The following MED12L variants were observed in gnomAD, a reference collection of about 807,000 sequenced individuals.
MED12L encodes the protein mediator of RNA polymerase II transcription subunit 12-like protein.
Under a neutral mutation model 281.3 loss-of-function variants are expected in MED12L, and 60 were observed. The observed-to-expected ratio is 0.21, with a 90% CI of 0.17 to 0.26. The LOEUF (loss-of-function observed/expected upper bound fraction) is 0.26, where lower values mean the gene tolerates loss of function less well. Among genes scored for constraint, MED12L ranks in the 10% least tolerant of loss-of-function variants. The pLI is 1.00. For missense variants in MED12L, 2,146 were observed against 2,680.9 expected, an observed-to-expected ratio of 0.80 and a Z score of 4.41; for synonymous variants, 974 against 987.2, an observed-to-expected ratio of 0.99 and a Z score of 0.25.
intron 16 of MED12L, among the ~76,000 whole-genome samples, chr3:151,313,744 T>G (rs1747856585): frequency 6.6e-6 from 1 of 152,084 alleles, no homozygotes; most frequent in South Asian, 2.1e-4. Flanking sequence ...CTTAGGAGTC[T>G]GAGGCAGGAG....
At chr3:151,393,085 A>T (rs1361835238) in intron 38 of MED12L, among the ~76,000 whole-genome samples, 1 of 152,166 alleles carries the variant, frequency 6.6e-6, no homozygotes, top group Non-Finnish European at 1.5e-5. Context: ...ATGACTTTGT[A>T]AATAGAAGAA....
chr3:151,309,727 A>G (rs1352632406), intron 16 of MED12L, among the ~76,000 whole-genome samples: 1 of 152,124 alleles, frequency 6.6e-6, no homozygotes, highest in Non-Finnish European at 1.5e-5. Context: ...TTGCCTGACT[A>G]CCAGAGTGTC....
At chr3:151,175,743 G>T (rs1259905269) in intron 11 of MED12L, among the ~76,000 whole-genome samples, 1 of 152,152 alleles carries the variant, frequency 6.6e-6, no homozygotes, top group East Asian at 1.9e-4. Context: ...TTTCAGATTT[G>T]TGCCTGCTCT....
intron 5 of MED12L, among the ~76,000 whole-genome samples, chr3:151,136,113 A>G (rs1235034609): frequency 3.3e-5 from 5 of 152,314 alleles, no homozygotes; most frequent in Admixed American, 6.5e-5. Context: ...TTGGTTGACT[A>G]TACTCTTGTA....
At chr3:151,251,438 C>A (rs1336299528) in intron 16 of MED12L, among the ~76,000 whole-genome samples, 1 of 152,068 alleles carries the variant, frequency 6.6e-6, no homozygotes, top group Non-Finnish European at 1.5e-5. Context: ...AACCTCAGGT[C>A]ATTTTTTGTC....
chr3:151,420,744 G>A, intron 43 of MED12L, among the ~76,000 whole-genome samples: 1 of 152,190 alleles, frequency 6.6e-6, no homozygotes, highest in East Asian at 1.9e-4. Context: ...ATGAGCATGA[G>A]CCCACCGCTG....
chr3:151,295,107 C>A, intron 16 of MED12L: 1 of 1,613,298 alleles, frequency 6.2e-7, no homozygotes, highest in South Asian at 1.1e-5. Flanking sequence ...AGATAAAGCA[C>A]CGGCAAGACA....
chr3:151,176,665 G>C (rs1722091404), intron 11 of MED12L, among the ~76,000 whole-genome samples: 1 of 151,940 alleles, frequency 6.6e-6, no homozygotes, highest in African/African-American at 2.4e-5. Context: ...TATGCAAACT[G>C]TAGTGACACA....
At chr3:151,375,297 C>T (rs1756691701) in intron 27 of MED12L, among the ~76,000 whole-genome samples, 1 of 152,204 alleles carries the variant, frequency 6.6e-6, no homozygotes, top group African/African-American at 2.4e-5. Context: ...AAACAGACTT[C>T]ACCCGAAATA....
chr3:151,426,262 G>A (rs1002038721), intron 43 of MED12L, among the ~76,000 whole-genome samples: 1 of 152,194 alleles, frequency 6.6e-6, no homozygotes, highest in Non-Finnish European at 1.5e-5. Flanking sequence ...GTCTAGAGAG[G>A]AGTCCCGGGA....
chr3:151,090,083 C>G (rs984896670), intron 2 of MED12L, among the ~76,000 whole-genome samples: 14 of 152,248 alleles, frequency 9.2e-5, no homozygotes, highest in African/African-American at 2.9e-4. Context: ...CTAGCCACCC[C>G]CTCCCACTTA....
chr3:151,214,442 A>C (rs751238761), intron 16 of MED12L: 11 of 745,308 alleles, frequency 1.5e-5, no homozygotes, highest in Non-Finnish European at 2.4e-5. Flanking sequence ...AAACCTACCA[A>C]ATTTTTGAAG....
Position 151,159,972 on chromosome 3 carries a change from C to T in MED12L, c.978C>T (p.Asn326=). The part of the protein sequence containing the change: ...HSPHMMIGPN[N]SSIGAPSPGP... Reference sequence around the variant, plus strand: ...CCCACATGATGATAGGACCAAACAACTCGAGTATCGGGGCCCCCAGCCCTG... The same window carrying T: ...CCCACATGATGATAGGACCAAACAATTCGAGTATCGGGGCCCCCAGCCCTG... Residue 326 remains asparagine, a synonymous_variant, in exon 8 of 45, where the codon AAC becomes AAT. Coordinates refer to ENST00000687756, the MANE Select transcript of MED12L (RefSeq NM_001393769.1). The T allele has an allele frequency of 6.2e-7, 1 of 1,614,242 alleles. No homozygotes were observed. The highest frequency in any genetic ancestry group is 8.5e-7 in the Non-Finnish European group (1 of 1,180,048).
chr3:151,198,569 A>G, intron 16 of MED12L: 1 of 1,614,070 alleles, frequency 6.2e-7, no homozygotes, highest in Non-Finnish European at 8.5e-7. Flanking sequence ...CGACACAGCC[A>G]GGAGCAGTGT....
rs764777471 is a variant in MED12L, at chr3:151,214,191, C to T, written c.2250+20525C>T. ...GCACGTAAAAGAATATCCATCCTGA[C>T]ACTCCATTGAGTAGGATTCCTGCAA... On this transcript the variant is annotated intron_variant, in intron 16 of 44. Transcript: ENST00000687756. The T allele has an allele frequency of 8.7e-6, 14 of 1,613,976 alleles. No homozygotes were observed. In the South Asian group the frequency reaches 1.5e-4, roughly 18 times the overall value.
In MED12L at chr3:151,409,584, T is replaced by G. The variant is rs1716729792; in HGVS notation, c.5910+252T>G. Among the ~76,000 whole-genome samples the G allele has an allele frequency of 2.0e-5, 3 of 152,214 alleles. No individual in the cohort carries two copies. The South Asian group carries it at 6.2e-4, about 31-fold the overall frequency. ...AATTCAAACCTTTTATTAGTGATGA[T>G]TATAGATATTGAAATACTTAACAAT... On this transcript the variant is annotated intron_variant, in intron 40 of 44. Coordinates refer to ENST00000687756, the MANE Select transcript of MED12L (RefSeq NM_001393769.1).
At chr3:151,251,011 A>T (rs913381065) in intron 16 of MED12L, among the ~76,000 whole-genome samples, 1 of 152,144 alleles carries the variant, frequency 6.6e-6, no homozygotes, top group Non-Finnish European at 1.5e-5. Context: ...GCAGCTTTTG[A>T]TGATGATTCT....
intron 16 of MED12L, among the ~76,000 whole-genome samples, chr3:151,290,403 G>A (rs1368234938): frequency 6.6e-6 from 1 of 152,016 alleles, no homozygotes; most frequent in Non-Finnish European, 1.5e-5. Flanking sequence ...AACTTCAAGA[G>A]TATTCAAAAT....
intron 16 of MED12L, among the ~76,000 whole-genome samples, chr3:151,237,787 TGTA>T (rs1457712293): frequency 6.6e-6 from 1 of 152,226 alleles, no homozygotes; most frequent in Non-Finnish European, 1.5e-5. Context: ...GTTATTATAT[TGTA>T]GTCTTCATTT....
Sources: allele counts gnomAD v4.1 joint callset (sites outside exome capture counted in the v4.1 genomes callset), GRCh38; gene constraint gnomAD v4.1.1; transcripts MANE v1.5; gene names NCBI Gene and HGNC (gene_info 2026-07-23, HGNC 2026-07-21).